The following CDKL3 variants were observed in gnomAD, a reference collection of about 807,000 sequenced individuals.
CDKL3 encodes cyclin-dependent kinase-like 3.
In CDKL3, 65 loss-of-function variants were observed where a neutral mutation model predicts 69.3. The observed-to-expected ratio is 0.94, with a 90% CI of 0.77 to 1.15. CDKL3 has a LOEUF of 1.15. Ranked by LOEUF, CDKL3 falls within the 50% of genes most tolerant of loss-of-function variation. The probability of loss-of-function intolerance (pLI) is 0.00; values close to 1 mark genes in which losing one functional copy is unlikely to be tolerated. For missense variants in CDKL3, 652 were observed against 689.2 expected (o/e 0.95, Z 0.61); for synonymous variants, 202 against 221.6 (o/e 0.91, Z 0.79).
chr5:134,366,431 G>T lies in CDKL3; in HGVS notation c.93C>A (p.Ala31=). ...CTGGTCTCTCATAAAATATCTTAAT[G>T]GCCACTATCTGCCCAGTATTCTTAT... ...CKHKNTGQIV[A]IKIFYERPEQ... The change falls in exon 2 of 13, where the codon GCC becomes GCA. Residue 31 remains alanine, a synonymous_variant. Coordinates refer to ENST00000265334, the MANE Select transcript of CDKL3 (RefSeq NM_001113575.2). The T allele has an allele frequency of 6.2e-7, 1 of 1,604,228 alleles. No homozygotes were observed. The highest frequency in any genetic ancestry group is 8.5e-7 in the Non-Finnish European group (1 of 1,175,390).
chr5:134,298,192 C>A (rs1455670968), downstream of CDKL3: 1 of 932,656 alleles, frequency 1.1e-6, no homozygotes, highest in Non-Finnish European at 1.3e-6. Flanking sequence ...CCTCAGCCTC[C>A]CAAAGTGTTG....
intron 7 of CDKL3, among the ~76,000 whole-genome samples, chr5:134,309,926 G>A (rs1768945229): frequency 6.6e-6 from 1 of 151,974 alleles, no homozygotes; most frequent in African/African-American, 2.4e-5. Flanking sequence ...TGACCTCCTG[G>A]GCTCAAGAAA....
chr5:134,369,016 A>G (rs2904240), upstream of CDKL3, among the ~76,000 whole-genome samples: 23,076 of 152,090 alleles, frequency 0.15, 2,216 homozygotes, highest in African/African-American at 0.27. Flanking sequence ...GACAGAGCAA[A>G]ACTCTGTCTC....
At chr5:134,342,394 C>T (rs983052659) in intron 4 of CDKL3, among the ~76,000 whole-genome samples, 8 of 151,920 alleles carry the variant, frequency 5.3e-5, no homozygotes, top group East Asian at 1.9e-4. Flanking sequence ...GTCAGAAGAT[C>T]GAGACCATCC....
chr5:134,345,099 A>G (rs997593865), intron 4 of CDKL3, among the ~76,000 whole-genome samples: 1 of 152,000 alleles, frequency 6.6e-6, no homozygotes, highest in East Asian at 1.9e-4. Flanking sequence ...CTATAAAGAT[A>G]GAGAAGAGAG....
chr5:134,322,256 C>A (rs1019285639), intron 4 of CDKL3, among the ~76,000 whole-genome samples: 2 of 152,162 alleles, frequency 1.3e-5, no homozygotes, highest in Non-Finnish European at 2.9e-5. Context: ...TCGTGATCTG[C>A]CCGCCTCAGC....
At chr5:134,304,653 G>T in intron 10 of CDKL3, 86 bp from the exon 11 acceptor site, 1 of 970,474 alleles carries the variant, frequency 1.0e-6, no homozygotes, top group Non-Finnish European at 1.5e-6. Flanking sequence ...CATTTGGATG[G>T]TATAAGATAG....
rs2149407681 is a variant in CDKL3, at chr5:134,298,474, CAG to C, written c.*175_*176del. 7.2e-7 allele frequency: 1 copy of C among 1,381,674 alleles called. No homozygotes were observed. The highest frequency in any genetic ancestry group is 2.7e-5 in the East Asian group (1 of 37,564). 85.6% of individuals were successfully genotyped at this position (1,381,674 alleles called of 1,614,324 possible). A position where few individuals can be genotyped will look rare whatever the true frequency, so the allele number is the denominator to read the frequency against. ...ATTCCAAATCAAATTATCACATCAA[CAG>C]AGTCTTAAAAGGGAAAAGAAAACAG... On this transcript the variant is annotated 3_prime_UTR_variant, in exon 13 of 13. Coordinates refer to ENST00000265334, the MANE Select transcript of CDKL3 (RefSeq NM_001113575.2).
At chr5:134,367,325 C>T (rs1046434765), upstream of CDKL3, 7 of 983,726 alleles carry the variant, frequency 7.1e-6, no homozygotes, top group African/African-American at 1.8e-5. Flanking sequence ...AGCTGAGCCT[C>T]CTCACAAGGT....
intron 10 of CDKL3, among the ~76,000 whole-genome samples, chr5:134,305,805 T>C (rs545288617): frequency 6.6e-6 from 1 of 152,310 alleles, no homozygotes; most frequent in East Asian, 1.9e-4. Context: ...CAATTTCCTA[T>C]GTAAAAAGTT....
chr5:134,335,257 G>A (rs755206136), intron 4 of CDKL3, among the ~76,000 whole-genome samples: 6 of 151,772 alleles, frequency 4.0e-5, no homozygotes, highest in East Asian at 1.9e-4. Flanking sequence ...GCACACTGAT[G>A]GGTCTTGACT....
chr5:134,299,441 A>C (rs1377227375), intron 12 of CDKL3: 2 of 1,095,370 alleles, frequency 1.8e-6, no homozygotes, highest in African/African-American at 1.6e-5. Context: ...GACTAAATGT[A>C]AGCTGCAATT....
intron 12 of CDKL3, among the ~76,000 whole-genome samples, chr5:134,301,744 G>A (rs899316864): frequency 6.6e-6 from 1 of 152,028 alleles, no homozygotes; most frequent in Non-Finnish European, 1.5e-5. Flanking sequence ...AAAAATAGCT[G>A]GGTGTGGTGG....
At chr5:134,290,681 A>G (rs1048343104) in intron 8 of CDKL3, among the ~76,000 whole-genome samples, 1 of 152,110 alleles carries the variant, frequency 6.6e-6, no homozygotes, top group African/African-American at 2.4e-5. Context: ...CAGAGCAATG[A>G]CATCATCTGA....
intron 8 of CDKL3, among the ~76,000 whole-genome samples, chr5:134,288,473 T>C (rs923998823): frequency 1.3e-5 from 2 of 152,304 alleles, no homozygotes; most frequent in African/African-American, 2.4e-5. Flanking sequence ...ACTTTATGCC[T>C]GCAGAACAGA....
chr5:134,310,108 G>A (rs113570694), intron 7 of CDKL3, among the ~76,000 whole-genome samples: 1 of 152,280 alleles, frequency 6.6e-6, no homozygotes, highest in African/African-American at 2.4e-5. Context: ...TGGGATTACA[G>A]GCATCAGCTA....
chr5:134,295,761 T>G (rs751934909), downstream of CDKL3, among the ~76,000 whole-genome samples: 1 of 152,218 alleles, frequency 6.6e-6, no homozygotes, highest in Non-Finnish European at 1.5e-5. Context: ...ATTTTATTAT[T>G]TTTTGAAGAA....
At chr5:134,314,926 G>A (rs991543082) in intron 6 of CDKL3, among the ~76,000 whole-genome samples, 3 of 152,184 alleles carry the variant, frequency 2.0e-5, no homozygotes, top group Admixed American at 6.5e-5. Context: ...GTGGTTTCAT[G>A]TGTGTATACA....
chr5:134,296,181 G>A (rs1311580327), downstream of CDKL3, among the ~76,000 whole-genome samples: 1 of 152,088 alleles, frequency 6.6e-6, no homozygotes, highest in Non-Finnish European at 1.5e-5. Context: ...ACAGGCGTGA[G>A]CCACCACACC....
Sources: allele counts gnomAD v4.1 joint callset (sites outside exome capture counted in the v4.1 genomes callset), GRCh38; gene constraint gnomAD v4.1.1; transcripts MANE v1.5; gene names NCBI Gene and HGNC (gene_info 2026-07-23, HGNC 2026-07-21).